CAMKMT: variants seen among roughly 807,000 people sequenced by gnomAD.
CAMKMT encodes the protein CaM KMT.
Under a neutral mutation model 48.0 loss-of-function variants are expected in CAMKMT, and 53 were observed. The observed-to-expected ratio is 1.10, with a 90% CI of 0.89 to 1.39. The LOEUF (loss-of-function observed/expected upper bound fraction) is 1.39. Among genes scored for constraint, CAMKMT ranks in the 40% most tolerant of loss-of-function variants. The pLI is 0.00. For synonymous variants in CAMKMT, 165 were observed against 152.3 expected (o/e 1.08, Z -0.61); for missense variants, 428 against 402.7 (o/e 1.06, Z -0.54).
At chr2:44,470,786 A>G (rs187915178) in intron 3 of CAMKMT, among the ~76,000 whole-genome samples, 1 of 152,134 alleles carries the variant, frequency 6.6e-6, no homozygotes, top group East Asian at 1.9e-4. Context: ...TTGAGTTCTT[A>G]TTTACATTTA....
At position 44,761,852 on chromosome 2, in the gene CAMKMT, G is replaced by T. The variant is rs77463613; in HGVS notation, c.763-4578G>T. Among the ~76,000 whole-genome samples the T allele has an allele frequency of 6.8e-3, 1,035 of 152,292 alleles. 22 individuals are homozygous for T. The East Asian group carries it at 0.079, about 12-fold the overall frequency. ...GGGAAGGGTAGGGGTTAGCAGTCAA[G>T]AATATTGAGTTTTATTTTGGACAAA... On this transcript the variant is annotated intron_variant, in intron 9 of 10. Transcript: ENST00000378494.
At chr2:44,690,393 G>C (rs544401017) in intron 3 of CAMKMT, among the ~76,000 whole-genome samples, 1 of 152,288 alleles carries the variant, frequency 6.6e-6, no homozygotes, top group East Asian at 1.9e-4. Flanking sequence ...AGAGCTATGA[G>C]AACTAGCAAC....
chr2:44,431,843 A>C (rs1684668343), intron 3 of CAMKMT, among the ~76,000 whole-genome samples: 2 of 152,126 alleles, frequency 1.3e-5, no homozygotes, highest in Non-Finnish European at 2.9e-5. Flanking sequence ...GGAAATGGGG[A>C]ACTAGTCTAA....
intron 7 of CAMKMT, among the ~76,000 whole-genome samples, chr2:44,728,407 T>C (rs1390859771): frequency 6.6e-6 from 1 of 152,208 alleles, no homozygotes; most frequent in Non-Finnish European, 1.5e-5. Context: ...TTGCCAGAGA[T>C]TGGTATCAGG....
intron 3 of CAMKMT, among the ~76,000 whole-genome samples, chr2:44,646,186 A>G (rs2104017638): frequency 6.6e-6 from 1 of 152,326 alleles, no homozygotes; most frequent in African/African-American, 2.4e-5. Flanking sequence ...AAGGCAAAAA[A>G]ACAAATCAAG....
At chr2:44,384,259 C>T (rs1680548091) in intron 2 of CAMKMT, among the ~76,000 whole-genome samples, 1 of 152,014 alleles carries the variant, frequency 6.6e-6, no homozygotes, top group Non-Finnish European at 1.5e-5. Flanking sequence ...TATTTGTTGG[C>T]CATTTGTATA....
intron 3 of CAMKMT, among the ~76,000 whole-genome samples, chr2:44,553,444 T>G (rs1667834036): frequency 6.6e-6 from 1 of 151,262 alleles, no homozygotes; most frequent in African/African-American, 2.4e-5. Context: ...TACTGTAACC[T>G]CCACCTCCTG....
intron 3 of CAMKMT, among the ~76,000 whole-genome samples, chr2:44,551,104 G>T (rs900939422): frequency 7.0e-5 from 10 of 143,552 alleles, no homozygotes; most frequent in Non-Finnish European, 1.4e-4. Context: ...GTTCAGGGTA[G>T]AGTACGTGGC....
intron 2 of CAMKMT, 148 bp downstream of exon 2, chr2:44,373,036 C>A (rs1463907454): frequency 1.4e-6 from 1 of 731,526 alleles, no homozygotes; most frequent in East Asian, 2.9e-5. Flanking sequence ...TTTAGGAAAT[C>A]CTGCTATTTT....
At chr2:44,441,079 A>G (rs181767754) in intron 3 of CAMKMT, among the ~76,000 whole-genome samples, 1 of 152,230 alleles carries the variant, frequency 6.6e-6, no homozygotes, top group African/African-American at 2.4e-5. Context: ...TCCCCTTAAT[A>G]TATTCCTTTG....
chr2:44,451,828 T>C lies in CAMKMT; in HGVS notation c.376+61523T>C, dbSNP rs112796822. Among the ~76,000 whole-genome samples the C allele has an allele frequency of 2.2e-3, 328 of 152,086 alleles. No individual in the cohort carries two copies. The Middle Eastern group carries it at 0.027, about 13-fold the overall frequency. ...TTGCTTCTCTTTCACATTTGCTGTA[T>C]GTTTGAAATTTTCATGAGACAATTT... is the stretch of plus-strand genomic sequence containing the variant. On this transcript the variant is annotated intron_variant, in intron 3 of 10. Transcript: ENST00000378494.
intron 7 of CAMKMT, among the ~76,000 whole-genome samples, chr2:44,724,535 G>A (rs1459928597): frequency 6.6e-6 from 1 of 152,196 alleles, no homozygotes; most frequent in African/African-American, 2.4e-5. Flanking sequence ...GAAGCACAGA[G>A]CATGCTTCGA....
At chr2:44,701,166 A>G (rs897252165) in intron 3 of CAMKMT, among the ~76,000 whole-genome samples, 2 of 152,202 alleles carry the variant, frequency 1.3e-5, no homozygotes, top group African/African-American at 4.8e-5. Flanking sequence ...TTGCTGGGTC[A>G]TATTATAATC....
At chr2:44,467,021 C>T (rs1269782203) in intron 3 of CAMKMT, among the ~76,000 whole-genome samples, 3 of 152,102 alleles carry the variant, frequency 2.0e-5, no homozygotes, top group Non-Finnish European at 4.4e-5. Context: ...GAGGCCAATA[C>T]AGGAGGATTG....
At chr2:44,771,748 C>T (rs1214555257) in intron 10 of CAMKMT, among the ~76,000 whole-genome samples, 1 of 152,130 alleles carries the variant, frequency 6.6e-6, no homozygotes, top group African/African-American at 2.4e-5. Context: ...GAATGAGCCC[C>T]AGCTCTGCCT....
At chr2:44,443,932 G>A (rs1280063618) in intron 3 of CAMKMT, among the ~76,000 whole-genome samples, 1 of 152,166 alleles carries the variant, frequency 6.6e-6, no homozygotes, top group Admixed American at 6.6e-5. Context: ...AAGAAAAAGT[G>A]CAAAGGCTTT....
At chr2:44,658,757 C>G (rs1024184686) in intron 3 of CAMKMT, among the ~76,000 whole-genome samples, 9 of 152,118 alleles carry the variant, frequency 5.9e-5, no homozygotes, top group African/African-American at 2.2e-4. Context: ...ACAGATAACT[C>G]TAATTGTCTT....
At chr2:44,701,009 G>A (rs146675458) in intron 3 of CAMKMT, among the ~76,000 whole-genome samples, 38 of 152,264 alleles carry the variant, frequency 2.5e-4, no homozygotes, top group African/African-American at 8.7e-4. Context: ...CCATTGTATG[G>A]ACGTACCACA....
At chr2:44,378,013 C>A (rs745523188) in intron 2 of CAMKMT, among the ~76,000 whole-genome samples, 2 of 152,094 alleles carry the variant, frequency 1.3e-5, no homozygotes. Context: ...TAGAGCTTGG[C>A]GAGGCTGGCA....
Sources: allele counts gnomAD v4.1 joint callset (sites outside exome capture counted in the v4.1 genomes callset), GRCh38; gene constraint gnomAD v4.1.1; transcripts MANE v1.5; gene names NCBI Gene and HGNC (gene_info 2026-07-23, HGNC 2026-07-21).